HACE1: variants seen among roughly 807,000 people sequenced by gnomAD.
HACE1 encodes the protein E3 ubiquitin-protein ligase HACE1.
HACE1 carries 73 observed loss-of-function variants against 118.4 expected under a neutral mutation model. The observed-to-expected ratio is 0.62, with a 90% CI of 0.51 to 0.75. The LOEUF is 0.75. HACE1 is among the 30% of genes least tolerant of loss of function. HACE1 has a pLI of 0.00. For synonymous variants in HACE1, 368 were observed against 374.8 expected (o/e 0.98, Z 0.21); for missense variants, 749 against 1,102.2 (o/e 0.68, Z 4.54).
intron 22 of HACE1, among the ~76,000 whole-genome samples, chr6:104,738,867 C>G (rs1398793532): frequency 6.6e-6 from 1 of 151,050 alleles, no homozygotes. Flanking sequence ...ACATAACTGT[C>G]AGATTCACCA....
At chr6:104,763,233 G>GA (rs775398896) in intron 19 of HACE1, among the ~76,000 whole-genome samples, 1 of 152,014 alleles carries the variant, frequency 6.6e-6, no homozygotes, top group Non-Finnish European at 1.5e-5. Context: ...TACTCAACAT[G>GA]AAAAAACTGT....
intron 7 of HACE1, among the ~76,000 whole-genome samples, chr6:104,805,723 G>A (rs997960205): frequency 1.3e-5 from 2 of 152,262 alleles, no homozygotes; most frequent in South Asian, 4.2e-4. Flanking sequence ...GGGGCTGGGG[G>A]AGGGATAGCA....
chr6:104,832,924 A>C, intron 6 of HACE1, 118 bp downstream of exon 6: 1 of 975,476 alleles, frequency 1.0e-6, no homozygotes, highest in Non-Finnish European at 1.6e-6. Context: ...TATGATGCAG[A>C]AAATAAGATT....
intron 22 of HACE1, chr6:104,731,108 T>C (rs1011330094): frequency 2.5e-4 from 38 of 152,344 alleles, no homozygotes; most frequent in African/African-American, 8.7e-4. Flanking sequence ...GAGGATGTAA[T>C]TACAACTTCT....
chr6:104,785,580 C>A, intron 11 of HACE1: 1 of 385,154 alleles, frequency 2.6e-6, no homozygotes, highest in South Asian at 3.1e-5. Context: ...AAAACTAAAT[C>A]TAACAAAAAA....
intron 5 of HACE1, among the ~76,000 whole-genome samples, chr6:104,836,405 A>G (rs913824479): frequency 6.6e-6 from 1 of 152,170 alleles, no homozygotes; most frequent in Non-Finnish European, 1.5e-5. Context: ...TACAAAAGAC[A>G]TACAAACTGC....
At chr6:104,781,909 A>G (rs1438551592) in intron 14 of HACE1, among the ~76,000 whole-genome samples, 1 of 152,214 alleles carries the variant, frequency 6.6e-6, no homozygotes, top group Admixed American at 6.5e-5. Context: ...CTGGGTCAAC[A>G]AAGTGGATAC....
At chr6:104,755,649 T>C (rs1206275983) in intron 19 of HACE1, among the ~76,000 whole-genome samples, 1 of 152,098 alleles carries the variant, frequency 6.6e-6, no homozygotes, top group Non-Finnish European at 1.5e-5. Context: ...CACAACTACA[T>C]AGAAATTGAA....
intron 22 of HACE1, 75 bp downstream of exon 22, chr6:104,744,085 A>T: frequency 2.3e-6 from 2 of 870,276 alleles, no homozygotes; most frequent in Non-Finnish European, 3.9e-6. Flanking sequence ...ATAATTCCTT[A>T]TTTTAGTTAT....
chr6:104,777,168 G>A (rs1300409032), intron 15 of HACE1, 38 bp downstream of exon 15: 2 of 1,555,416 alleles, frequency 1.3e-6, no homozygotes, highest in African/African-American at 1.4e-5. Context: ...AAAGCACTTT[G>A]TGCTTCACAC....
chr6:104,848,714 C>A (rs1775895995), intron 4 of HACE1, among the ~76,000 whole-genome samples: 1 of 151,898 alleles, frequency 6.6e-6, no homozygotes, highest in Non-Finnish European at 1.5e-5. Context: ...ATAAAATTAG[C>A]TAAACAAGCA....
At chr6:104,736,489 C>T (rs1775851492) in intron 22 of HACE1, among the ~76,000 whole-genome samples, 1 of 151,998 alleles carries the variant, frequency 6.6e-6, no homozygotes, top group Non-Finnish European at 1.5e-5. Flanking sequence ...GCCATGTTGC[C>T]CAGGCTGGTC....
intron 22 of HACE1, among the ~76,000 whole-genome samples, chr6:104,734,714 G>A (rs549575983): frequency 6.6e-6 from 1 of 152,088 alleles, no homozygotes; most frequent in East Asian, 1.9e-4. Context: ...ATAATAAATA[G>A]CACACCTCTT....
At chr6:104,739,618 T>C (rs1051258372) in intron 22 of HACE1, among the ~76,000 whole-genome samples, 1 of 152,012 alleles carries the variant, frequency 6.6e-6, no homozygotes, top group Admixed American at 6.6e-5. Context: ...AAGAGCTAAC[T>C]ATCCTAAATA....
intron 1 of HACE1, 59 bp from the exon 2 acceptor site, chr6:104,852,430 T>G: frequency 9.9e-7 from 1 of 1,014,550 alleles, no homozygotes; most frequent in African/African-American, 1.6e-5. Context: ...GGGTGATACT[T>G]AAGATTAGTT....
At chr6:104,729,893 A>G (rs1775020140) in intron 23 of HACE1, 129 bp from the exon 24 acceptor site, 2 of 681,210 alleles carry the variant, frequency 2.9e-6, no homozygotes, top group Admixed American at 4.3e-5. Flanking sequence ...CAGATTGAAA[A>G]ACCCTAAAGT....
chr6:104,804,916 C>G (rs1159298183), intron 7 of HACE1, among the ~76,000 whole-genome samples: 1 of 151,492 alleles, frequency 6.6e-6, no homozygotes, highest in South Asian at 2.1e-4. Context: ...TCAGAGTGAA[C>G]AGGCAACCTA....
intron 19 of HACE1, among the ~76,000 whole-genome samples, chr6:104,762,549 G>A (rs1380101847): frequency 6.6e-6 from 1 of 152,070 alleles, no homozygotes; most frequent in Non-Finnish European, 1.5e-5. Context: ...AGGGCCTGCT[G>A]AGGGTGGGGG....
At chr6:104,817,971 A>T (rs557940243) in intron 6 of HACE1, among the ~76,000 whole-genome samples, 2 of 152,194 alleles carry the variant, frequency 1.3e-5, no homozygotes, top group Non-Finnish European at 2.9e-5. Flanking sequence ...TAGAAAGTTG[A>T]AAATTGTTGC....
Sources: allele counts gnomAD v4.1 joint callset (sites outside exome capture counted in the v4.1 genomes callset), GRCh38; gene constraint gnomAD v4.1.1; transcripts MANE v1.5; gene names NCBI Gene and HGNC (gene_info 2026-07-23, HGNC 2026-07-21).